The following LRP1B variants were observed in gnomAD, a reference collection of about 807,000 sequenced individuals.
The protein encoded by LRP1B is LDL receptor related protein 1B.
Under a neutral mutation model 556.6 loss-of-function variants are expected in LRP1B, and 217 were observed. The observed-to-expected ratio is 0.39, with a 90% CI of 0.35 to 0.44. LRP1B has a LOEUF of 0.44. LRP1B is among the 20% of genes least tolerant of loss of function. The pLI, the probability that LRP1B is intolerant of heterozygous loss-of-function variation, is 1.00. For synonymous variants in LRP1B, 2,047 were observed against 1,865.8 expected (o/e 1.10, Z -2.50); for missense variants, 5,053 against 5,620.8 (o/e 0.90, Z 3.23).
intron 2 of LRP1B, among the ~76,000 whole-genome samples, chr2:141,635,381 C>A (rs1017175761): frequency 6.6e-6 from 1 of 151,880 alleles, no homozygotes; most frequent in Non-Finnish European, 1.5e-5. Flanking sequence ...AGAAATGAAA[C>A]ATATATGTTA....
At chr2:140,265,813 C>T (rs1035434043) in intron 86 of LRP1B, among the ~76,000 whole-genome samples, 1 of 152,002 alleles carries the variant, frequency 6.6e-6, no homozygotes, top group African/African-American at 2.4e-5. Flanking sequence ...GGAGAATTGA[C>T]CACTAGAAAG....
chr2:141,055,408 CAA>C lies in LRP1B; in HGVS notation c.1409-151_1409-150del, dbSNP rs1242558741. ...AACTATTTAGCACCATAATCGAATG[CAA>C]AAGAGTGTAAACCCCATAGAAGAGG... On this transcript the variant is annotated intron_variant, in intron 9 of 90. Coordinates refer to ENST00000389484, the MANE Select transcript of LRP1B (RefSeq NM_018557.3). 16 of 675,726 alleles carry C rather than the reference CAA, an allele frequency of 2.4e-5. No individual in the cohort carries two copies. In the East Asian group the frequency reaches 4.7e-4, roughly 20 times the overall value. The allele number at this position is 675,726 out of a possible 1,614,324, so 41.9% of individuals were successfully genotyped here.
chr2:141,200,066 A>G (rs1165649257), intron 6 of LRP1B, among the ~76,000 whole-genome samples: 1 of 152,210 alleles, frequency 6.6e-6, no homozygotes, highest in Non-Finnish European at 1.5e-5. Flanking sequence ...CAGCAATCCC[A>G]TTACTGGGCA....
chr2:141,933,722 C>G (rs753014751), intron 1 of LRP1B, among the ~76,000 whole-genome samples: 15 of 152,096 alleles, frequency 9.9e-5, no homozygotes, highest in Non-Finnish European at 8.8e-5. Flanking sequence ...GACAAAACTA[C>G]AAACAACCAA....
At chr2:141,859,342 T>C (rs1259124438) in intron 1 of LRP1B, among the ~76,000 whole-genome samples, 4 of 152,202 alleles carry the variant, frequency 2.6e-5, no homozygotes, top group African/African-American at 9.6e-5. Flanking sequence ...AAATAGTCTA[T>C]GAGTTTATAA....
chr2:141,614,097 A>AAAAAG (rs1688209209), intron 2 of LRP1B, among the ~76,000 whole-genome samples: 1 of 150,868 alleles, frequency 6.6e-6, no homozygotes, highest in African/African-American at 2.4e-5. Flanking sequence ...AAAAAAAAAA[A>AAAAAG]AAAAGAAAGA....
intron 78 of LRP1B, among the ~76,000 whole-genome samples, chr2:140,334,948 T>TA (rs1312078138): frequency 2.0e-5 from 3 of 152,030 alleles, no homozygotes; most frequent in Non-Finnish European, 4.4e-5. Flanking sequence ...CTATTTTTTT[T>TA]ATAGAGAAGT....
At chr2:141,103,633 C>A (rs1396383243) in intron 7 of LRP1B, among the ~76,000 whole-genome samples, 1 of 148,474 alleles carries the variant, frequency 6.7e-6, no homozygotes, top group East Asian at 2.0e-4. Context: ...TGCCAATAGA[C>A]AACATTTTTG....
intron 41 of LRP1B, among the ~76,000 whole-genome samples, chr2:140,689,880 T>G (rs894535658): frequency 6.6e-6 from 1 of 152,172 alleles, no homozygotes; most frequent in African/African-American, 2.4e-5. Context: ...GAAACCTTGT[T>G]AGAATTTCTA....
At chr2:141,548,964 G>A (rs1685652612) in intron 2 of LRP1B, among the ~76,000 whole-genome samples, 1 of 151,976 alleles carries the variant, frequency 6.6e-6, no homozygotes, top group Admixed American at 6.6e-5. Context: ...AAAAATGACA[G>A]CATACAGTTG....
chr2:140,659,755 A>T (rs1451272018), intron 41 of LRP1B, among the ~76,000 whole-genome samples: 1 of 152,114 alleles, frequency 6.6e-6, no homozygotes, highest in Non-Finnish European at 1.5e-5. Context: ...AAAATTTCCA[A>T]AATGCATGAT....
At chr2:142,099,233 C>T (rs1307813419) in intron 1 of LRP1B, among the ~76,000 whole-genome samples, 1 of 151,832 alleles carries the variant, frequency 6.6e-6, no homozygotes. Context: ...CTTGATCTTA[C>T]TGAGATATTT....
chr2:140,887,957 A>G (rs1014396827), intron 23 of LRP1B, among the ~76,000 whole-genome samples: 4 of 152,182 alleles, frequency 2.6e-5, no homozygotes, highest in Non-Finnish European at 5.9e-5. Flanking sequence ...AAAGTGCTCA[A>G]AATTAAATAG....
intron 1 of LRP1B, among the ~76,000 whole-genome samples, chr2:141,960,833 C>T (rs868643272): frequency 6.9e-5 from 10 of 145,370 alleles, no homozygotes; most frequent in Middle Eastern, 3.6e-3. Flanking sequence ...TTACATAAAA[C>T]ATTAGGGCTC....
At chr2:140,433,822 C>T in intron 66 of LRP1B, among the ~76,000 whole-genome samples, 1 of 147,716 alleles carries the variant, frequency 6.8e-6, no homozygotes, top group South Asian at 2.1e-4. Context: ...TATATTTCTT[C>T]TGTTTTTTTT....
intron 3 of LRP1B, among the ~76,000 whole-genome samples, chr2:141,281,443 C>A (rs993869529): frequency 8.5e-5 from 13 of 152,088 alleles, no homozygotes; most frequent in Admixed American, 4.6e-4. Context: ...TAAAATGAGT[C>A]TTATATAAAT....
chr2:141,732,658 G>A (rs376880421), intron 2 of LRP1B, among the ~76,000 whole-genome samples: 49 of 152,186 alleles, frequency 3.2e-4, no homozygotes, highest in East Asian at 1.9e-3. Flanking sequence ...GAAAATGATC[G>A]TGAGTAGCTT....
intron 1 of LRP1B, among the ~76,000 whole-genome samples, chr2:142,094,297 G>A (rs1045772759): frequency 6.6e-5 from 10 of 151,968 alleles, no homozygotes; most frequent in Non-Finnish European, 1.5e-4. Context: ...CTGTAAGGCT[G>A]GTGTTTTTTT....
intron 27 of LRP1B, among the ~76,000 whole-genome samples, chr2:140,863,892 T>C (rs1692871870): frequency 6.6e-6 from 1 of 151,988 alleles, no homozygotes; most frequent in Non-Finnish European, 1.5e-5. Flanking sequence ...AGGAAGTTTG[T>C]CCAAGGAGAA....
Sources: allele counts gnomAD v4.1 joint callset (sites outside exome capture counted in the v4.1 genomes callset), GRCh38; gene constraint gnomAD v4.1.1; transcripts MANE v1.5; gene names NCBI Gene and HGNC (gene_info 2026-07-23, HGNC 2026-07-21).